Variants in BACE2 observed in about 807,000 individuals in gnomAD.
The protein encoded by BACE2 is 56 kDa aspartic-like protease.
Under a neutral mutation model 46.2 loss-of-function variants are expected in BACE2, and 17 were observed. The observed-to-expected ratio is 0.37, with a 90% CI of 0.25 to 0.55. The LOEUF is 0.55. Ranked by LOEUF, BACE2 falls within the 20% of genes least tolerant of loss-of-function variation. The pLI, the probability that BACE2 is intolerant of heterozygous loss-of-function variation, is 0.82. For synonymous variants in BACE2, 277 were observed against 295.9 expected, an observed-to-expected ratio of 0.94 and a Z score of 0.66; for missense variants, 595 against 698.1, an observed-to-expected ratio of 0.85 and a Z score of 1.66.
At chr21:41,273,670 G>A (rs984089743) in intron 8 of BACE2, among the ~76,000 whole-genome samples, 7 of 152,048 alleles carry the variant, frequency 4.6e-5, no homozygotes, top group African/African-American at 1.7e-4. Context: ...TCATCACAGG[G>A]TCCTGAGGTG....
At chr21:41,253,862 C>T (rs996002251) in intron 7 of BACE2, among the ~76,000 whole-genome samples, 2 of 151,942 alleles carry the variant, frequency 1.3e-5, no homozygotes, top group Non-Finnish European at 2.9e-5. Context: ...TTTAAAAATC[C>T]ACTTTGCCTG....
At position 41,228,414 on chromosome 21, in the gene BACE2, GC is replaced by G. The variant is rs567536573; in HGVS notation, c.401+2061del. Among the ~76,000 whole-genome samples the G allele has an allele frequency of 7.9e-5, 12 of 152,274 alleles. No homozygotes were observed. In the South Asian group the frequency reaches 2.5e-3, roughly 32 times the overall value. Reference sequence around the variant, plus strand: ...GTGCTGCTATAAGAGAATACCCAAGGCTGGGGAGTTTATAAAGAAAAGAGGT... The same window carrying G: ...GTGCTGCTATAAGAGAATACCCAAGGTGGGGAGTTTATAAAGAAAAGAGGT... On this transcript the variant is annotated intron_variant, in intron 2 of 8. Coordinates refer to ENST00000330333, the MANE Select transcript of BACE2 (RefSeq NM_012105.5).
At position 41,277,217 on chromosome 21, in the gene BACE2, C is replaced by T. The variant is rs1266890620; in HGVS notation, c.*1593C>T. The T allele has an allele frequency of 6.6e-6, 1 of 152,014 alleles. No homozygotes were observed. Among genetic ancestry groups the T allele is most frequent in the African/African-American group, 2.4e-5 (1 of 41,346 alleles). 9.4% of individuals were successfully genotyped at this position (152,014 alleles called of 1,614,324 possible). ...CCATCTGCTCTGCTCCCTGGGTCCC[C>T]GGGTCACCACCATACTGAGAAATAT... On this transcript the variant is annotated 3_prime_UTR_variant, in exon 9 of 9. Transcript: ENST00000330333.
chr21:41,240,206 C>T (rs1260319697), intron 3 of BACE2, among the ~76,000 whole-genome samples: 1 of 152,146 alleles, frequency 6.6e-6, no homozygotes, highest in Non-Finnish European at 1.5e-5. Flanking sequence ...GAGCGCTCTG[C>T]AGTGGTCAGG....
rs2088540019 is a variant in BACE2 at position 41,280,805 on chromosome 21, G to T, written c.*5181G>T. The T allele has an allele frequency of 6.6e-6, 1 of 152,212 alleles. No individual in the cohort carries two copies. 9.4% of individuals were successfully genotyped at this position (152,212 alleles called of 1,614,324 possible). The stretch of plus-strand genomic sequence containing the variant: ...CTTCCCTGCCCTGAGCTTCCTCTGG[G>T]TTTCTTATCAGCAGCTATTACACAC... On this transcript the variant is annotated 3_prime_UTR_variant, in exon 9 of 9. Coordinates refer to ENST00000330333, the MANE Select transcript of BACE2 (RefSeq NM_012105.5).
At chr21:41,199,818 T>C (rs1281454595) in intron 1 of BACE2, among the ~76,000 whole-genome samples, 1 of 152,078 alleles carries the variant, frequency 6.6e-6, no homozygotes, top group East Asian at 1.9e-4. Flanking sequence ...GCTGCCGTTG[T>C]TGTAGGTCCC....
intron 6 of BACE2, among the ~76,000 whole-genome samples, chr21:41,249,444 A>C (rs1987575382): frequency 6.6e-6 from 1 of 152,224 alleles, no homozygotes. Flanking sequence ...CACGTGAACC[A>C]CATCGATGTG....
chr21:41,272,987 A>G (rs1464492617), intron 8 of BACE2, among the ~76,000 whole-genome samples: 1 of 152,158 alleles, frequency 6.6e-6, no homozygotes, highest in Non-Finnish European at 1.5e-5. Context: ...AAAGAGTACA[A>G]AAGAGAGAAA....
chr21:41,189,845 A>G (rs1985505422), intron 1 of BACE2, among the ~76,000 whole-genome samples: 2 of 152,234 alleles, frequency 1.3e-5, no homozygotes, highest in African/African-American at 4.8e-5. Flanking sequence ...AACTTACACA[A>G]TCACAAGATC....
chr21:41,181,764 G>C (rs374295445), intron 1 of BACE2: 6 of 167,084 alleles, frequency 3.6e-5, no homozygotes, highest in African/African-American at 9.7e-5. Context: ...GGGGTGCTAT[G>C]GTTAGTTAGG....
At chr21:41,250,600 C>T (rs1463497702) in intron 6 of BACE2, 152 bp from the exon 7 acceptor site, 10 of 679,306 alleles carry the variant, frequency 1.5e-5, no homozygotes, top group Non-Finnish European at 2.5e-5. Flanking sequence ...CACCGTCACT[C>T]TTCCAGGGGA....
At chr21:41,233,379 G>GTC (rs111583982) in intron 2 of BACE2, among the ~76,000 whole-genome samples, 14,523 of 152,152 alleles carry the variant, frequency 0.095, 2,245 homozygotes, top group African/African-American at 0.32. Flanking sequence ...TTGGCCCTGG[G>GTC]TCACACAGCT....
At chr21:41,246,763 C>T (rs1263288519) in intron 6 of BACE2, among the ~76,000 whole-genome samples, 2 of 152,136 alleles carry the variant, frequency 1.3e-5, no homozygotes, top group Admixed American at 6.5e-5. Flanking sequence ...GGATACAGGA[C>T]AGCTTTGGGG....
At chr21:41,178,831 AC>A (rs1001966809) in intron 1 of BACE2, 15 of 238,368 alleles carry the variant, frequency 6.3e-5, no homozygotes, top group African/African-American at 2.7e-4. Context: ...CTTTTACAGA[AC>A]CTCCCCTTAT....
chr21:41,220,880 A>G (rs1601281502), intron 1 of BACE2, among the ~76,000 whole-genome samples: 2 of 151,938 alleles, frequency 1.3e-5, no homozygotes, highest in Admixed American at 6.6e-5. Context: ...TTAAAGTAAC[A>G]TTTATAGTCT....
chr21:41,180,321 C>T (rs1453550160), intron 1 of BACE2: 1 of 174,374 alleles, frequency 5.7e-6, no homozygotes, highest in Non-Finnish European at 1.4e-5. Context: ...AGTCCCACCT[C>T]CTACCTCATT....
At chr21:41,194,420 CCTGAAG>C (rs1160757337) in intron 1 of BACE2, among the ~76,000 whole-genome samples, 1 of 152,164 alleles carries the variant, frequency 6.6e-6, no homozygotes, top group Non-Finnish European at 1.5e-5. Flanking sequence ...TTTCCTCTGG[CCTGAAG>C]CTTTTTGCTG....
intron 7 of BACE2, among the ~76,000 whole-genome samples, chr21:41,253,472 G>A (rs935157527): frequency 4.6e-5 from 7 of 151,170 alleles, no homozygotes; most frequent in Non-Finnish European, 1.0e-4. Flanking sequence ...ACGTGCTCTT[G>A]ATGATTACAT....
At chr21:41,235,854 A>G (rs910379279) in intron 2 of BACE2, among the ~76,000 whole-genome samples, 15 of 151,664 alleles carry the variant, frequency 9.9e-5, no homozygotes, top group South Asian at 4.2e-4. Flanking sequence ...AAGAAATAAT[A>G]AATGAATGAA....
Sources: gnomAD v4.1 joint callset for allele counts (sites outside exome capture counted in the v4.1 genomes callset) on GRCh38, gnomAD v4.1.1 for gene constraint, MANE v1.5 for transcripts, NCBI Gene and HGNC (gene_info 2026-07-23, HGNC 2026-07-21) for gene names.